The following PCTP variants were observed in gnomAD, a reference collection of about 807,000 sequenced individuals.
PCTP encodes the protein phosphatidylcholine transfer protein, also known as START domain-containing protein 2.
Under a neutral mutation model 31.0 loss-of-function variants are expected in PCTP, and 27 were observed. The ratio of observed to expected loss-of-function variants is 0.87; its 90% CI spans 0.64 to 1.20. PCTP has a LOEUF of 1.20. Ranked by LOEUF, PCTP falls within the 50% of genes most tolerant of loss-of-function variation. The pLI, the probability that PCTP is intolerant of heterozygous loss-of-function variation, is 0.00. For synonymous variants in PCTP, 108 were observed against 101.2 expected (o/e 1.07, Z -0.40); for missense variants, 287 against 268.2 (o/e 1.07, Z -0.49).
In PCTP at chr17:55,776,207, G is replaced by A. The variant is rs1911321825; in HGVS notation, c.*107G>A. ...GAAGTGCCACCTGGAAGTGTCTCTG[G>A]AAGAGCACCCACCACTGTTCAGCCT... On this transcript the variant is annotated 3_prime_UTR_variant, in exon 6 of 6. Coordinates refer to ENST00000268896, the MANE Select transcript of PCTP (RefSeq NM_021213.4). The A allele has an allele frequency of 1.4e-5, 22 of 1,523,996 alleles. No homozygotes were observed. The highest frequency in any genetic ancestry group is 1.8e-5 in the Non-Finnish European group (20 of 1,135,570). 94.4% of individuals were successfully genotyped at this position (1,523,996 alleles called of 1,614,324 possible).
At chr17:55,815,725 A>G (rs544992314) in intron 3 of PCTP, among the ~76,000 whole-genome samples, 96 of 152,280 alleles carry the variant, frequency 6.3e-4, no homozygotes, top group African/African-American at 2.2e-3. Flanking sequence ...ACCAGCTATA[A>G]GAGAGGTTTG....
chr17:55,825,045 G>A (rs142491357), downstream of PCTP, among the ~76,000 whole-genome samples: 92 of 152,238 alleles, frequency 6.0e-4, no homozygotes, highest in Middle Eastern at 0.01. Context: ...AAGAAGAGTG[G>A]GCTCATCCCC....
intron 3 of PCTP, among the ~76,000 whole-genome samples, chr17:55,818,247 T>C (rs1185265045): frequency 6.6e-6 from 1 of 151,664 alleles, no homozygotes; most frequent in East Asian, 1.9e-4. Context: ...TGGGTAGGCA[T>C]GTATTTTTTG....
At chr17:55,782,026 G>A (rs1597994338), downstream of PCTP, among the ~76,000 whole-genome samples, 2 of 152,166 alleles carry the variant, frequency 1.3e-5, no homozygotes, top group Non-Finnish European at 2.9e-5. Context: ...GGAGACCCAG[G>A]AGACCTCATG....
At chr17:55,839,748 G>A (rs1052076928) in intron 5 of PCTP, among the ~76,000 whole-genome samples, 1 of 150,560 alleles carries the variant, frequency 6.6e-6, no homozygotes, top group African/African-American at 2.4e-5. Flanking sequence ...GTGAAACCCC[G>A]TCTCTACTAA....
downstream of PCTP, among the ~76,000 whole-genome samples, chr17:55,845,887 G>GGAGTGTGTGTGT (rs1555572496): frequency 7.0e-6 from 1 of 142,962 alleles, no homozygotes; most frequent in Non-Finnish European, 1.5e-5. Flanking sequence ...AGAGGGTTGG[G>GGAGTGTGTGTGT]GTGTGTGTGT....
intron 5 of PCTP, among the ~76,000 whole-genome samples, chr17:55,834,746 T>C (rs978732601): frequency 1.1e-4 from 17 of 151,844 alleles, no homozygotes; most frequent in African/African-American, 3.9e-4. Context: ...AAGAGTTCTA[T>C]TGAATGGTGG....
chr17:55,806,694 G>A (rs1374381066), intron 3 of PCTP, among the ~76,000 whole-genome samples: 3 of 152,230 alleles, frequency 2.0e-5, no homozygotes, highest in East Asian at 1.9e-4. Context: ...GTTAAACCTC[G>A]GTACTGGACA....
At chr17:55,752,999 C>T (rs747290135) in intron 1 of PCTP, among the ~76,000 whole-genome samples, 1 of 152,202 alleles carries the variant, frequency 6.6e-6, no homozygotes, top group African/African-American at 2.4e-5. Context: ...CTGCCTCAGC[C>T]CTCAGCCTCC....
At chr17:55,787,375 A>G (rs1228336640) in intron 2 of PCTP, among the ~76,000 whole-genome samples, 1 of 151,410 alleles carries the variant, frequency 6.6e-6, no homozygotes, top group African/African-American at 2.4e-5. Flanking sequence ...ATTTTTTGAG[A>G]TGGAGTCTTG....
chr17:55,795,776 T>G (rs1435047127), intron 3 of PCTP, among the ~76,000 whole-genome samples: 1 of 152,046 alleles, frequency 6.6e-6, no homozygotes, highest in Non-Finnish European at 1.5e-5. Flanking sequence ...ATAATAGAAA[T>G]ATTACTATTC....
At chr17:55,770,708 G>A (rs891226475) in intron 2 of PCTP, 1 of 157,770 alleles carries the variant, frequency 6.3e-6, no homozygotes. Flanking sequence ...TAACCTAAGA[G>A]GTCATCTTTT....
At chr17:55,767,585 C>A in intron 2 of PCTP, 133 bp downstream of exon 2, 1 of 517,096 alleles carries the variant, frequency 1.9e-6, no homozygotes, top group Non-Finnish European at 3.4e-6. Context: ...CTGCCTCAGC[C>A]TCCTGAGTAG....
intron 1 of PCTP, among the ~76,000 whole-genome samples, chr17:55,760,408 G>T (rs561924782): frequency 2.6e-5 from 4 of 152,114 alleles, no homozygotes; most frequent in Non-Finnish European, 5.9e-5. Flanking sequence ...CCACATAATA[G>T]AACTTTAGAT....
intron 2 of PCTP, among the ~76,000 whole-genome samples, chr17:55,784,956 C>A (rs181127419): frequency 2.4e-4 from 37 of 152,324 alleles, no homozygotes; most frequent in Admixed American, 2.2e-3. Flanking sequence ...AATGCTCTTC[C>A]CCACATCTGT....
intron 3 of PCTP, among the ~76,000 whole-genome samples, chr17:55,797,563 A>G (rs1460154117): frequency 6.6e-6 from 1 of 152,038 alleles, no homozygotes; most frequent in Non-Finnish European, 1.5e-5. Context: ...GCACTTACTC[A>G]TTAAATCATG....
At chr17:55,827,072 T>A (rs1193155608), downstream of PCTP, among the ~76,000 whole-genome samples, 1 of 152,038 alleles carries the variant, frequency 6.6e-6, no homozygotes, top group Non-Finnish European at 1.5e-5. Context: ...AATTCTTTAT[T>A]GCTCCTTGTA....
chr17:55,820,367 A>C (rs1389749822), intron 3 of PCTP, among the ~76,000 whole-genome samples: 1 of 152,210 alleles, frequency 6.6e-6, no homozygotes, highest in Non-Finnish European at 1.5e-5. Flanking sequence ...GGAGGCTGGG[A>C]CATTCAATAT....
intron 3 of PCTP, among the ~76,000 whole-genome samples, chr17:55,816,347 G>A (rs912672135): frequency 3.3e-5 from 5 of 152,100 alleles, no homozygotes; most frequent in African/African-American, 1.2e-4. Context: ...GAAATATTCT[G>A]GATATTTCAT....
Sources: allele counts gnomAD v4.1 joint callset (sites outside exome capture counted in the v4.1 genomes callset), GRCh38; gene constraint gnomAD v4.1.1; transcripts MANE v1.5; gene names NCBI Gene and HGNC (gene_info 2026-07-23, HGNC 2026-07-21).